The following VPS13D variants were observed in gnomAD, a reference collection of about 807,000 sequenced individuals.
VPS13D encodes the protein intermembrane lipid transfer protein VPS13D.
VPS13D carries 187 observed loss-of-function variants against 461.9 expected under a neutral mutation model. The observed-to-expected ratio is 0.40, with a 90% CI of 0.36 to 0.46. The LOEUF (loss-of-function observed/expected upper bound fraction) is 0.46, where lower values mean the gene tolerates loss of function less well. Among genes scored for constraint, VPS13D ranks in the 20% least tolerant of loss-of-function variants. The pLI, the probability that VPS13D is intolerant of heterozygous loss-of-function variation, is 0.60. For missense variants in VPS13D, 4,711 were observed against 5,364.9 expected, an observed-to-expected ratio of 0.88 and a Z score of 3.81; for synonymous variants, 1,951 against 1,986.3, an observed-to-expected ratio of 0.98 and a Z score of 0.47.
At chr1:12,360,922 C>G (rs964822081) in intron 50 of VPS13D, among the ~76,000 whole-genome samples, 1 of 152,170 alleles carries the variant, frequency 6.6e-6, no homozygotes, top group Admixed American at 6.6e-5. Context: ...TAATGGTTCT[C>G]TTGATACTTG....
chr1:12,490,329 G>A (rs1053546868), intron 67 of VPS13D, among the ~76,000 whole-genome samples: 6 of 152,116 alleles, frequency 3.9e-5, no homozygotes, highest in Non-Finnish European at 5.9e-5. Flanking sequence ...CCCAACCTAC[G>A]GATTGAATAC....
chr1:12,326,980 C>A (rs1007738551), intron 35 of VPS13D, among the ~76,000 whole-genome samples: 6 of 152,102 alleles, frequency 3.9e-5, no homozygotes, highest in Non-Finnish European at 8.8e-5. Flanking sequence ...AACTTAATTC[C>A]ATCAGTAATT....
In VPS13D at chr1:12,386,312, A is replaced by G; in HGVS notation, c.11612A>G (p.Glu3871Gly). 6.2e-7 allele frequency: 1 copy of G among 1,611,156 alleles called. No individual in the cohort carries two copies. The change falls in exon 60 of 70, where the codon GAA (glutamate) becomes GGA (glycine). Residue 3871 changes from glutamate to glycine, a missense_variant. Transcript: ENST00000620676. ...CAGCTGGCAACCAGTCACATGCTTG[A>G]ACTCAGCATACAGGATGTACAGGTA... ...YTQLATSHML[E>G]LSIQDVQVDN...
intron 65 of VPS13D, among the ~76,000 whole-genome samples, chr1:12,435,955 G>C (rs1198513579): frequency 6.6e-6 from 1 of 152,140 alleles, no homozygotes; most frequent in African/African-American, 2.4e-5. Flanking sequence ...TTTTGACTTT[G>C]CTCTAACTCT....
intron 31 of VPS13D, 76 bp from the exon 32 acceptor site, chr1:12,319,421 C>T (rs1041218352): frequency 4.5e-5 from 72 of 1,586,976 alleles, no homozygotes; most frequent in Admixed American, 2.1e-4. Context: ...GAAATGCGCT[C>T]GCTGCCTTGT....
rs1644090498 is a variant in VPS13D at position 12,369,710 on chromosome 1, T to A, written c.10808+8T>A. On this transcript the variant is annotated splice_region_variant and intron_variant, in intron 54 of 69. Transcript: ENST00000620676. ...TACATATACATTCTCTGGGTAATTC[T>A]TGATTAAATTACTGTTCCTATAAAG... The A allele has an allele frequency of 1.2e-6, 2 of 1,609,838 alleles. No homozygotes were observed. Among genetic ancestry groups the A allele is most frequent in the Admixed American group, 1.7e-5 (1 of 59,876 alleles).
At chr1:12,370,228 T>A (rs1053847647) in intron 54 of VPS13D, among the ~76,000 whole-genome samples, 1 of 152,214 alleles carries the variant, frequency 6.6e-6, no homozygotes, top group African/African-American at 2.4e-5. Context: ...ATGAAGAATA[T>A]TGAGCTTATT....
rs151165307 is a variant in VPS13D, at chr1:12,333,236, A to G, written c.8298A>G (p.Pro2766=). 18 of 1,613,708 alleles carry G rather than the reference A, an allele frequency of 1.1e-5. No individual in the cohort carries two copies. In the African/African-American group the frequency reaches 2.3e-4, roughly 20 times the overall value. Residue 2766 remains proline, a synonymous_variant, in exon 38 of 70, where the codon CCA becomes CCG. Coordinates refer to ENST00000620676, the MANE Select transcript of VPS13D (RefSeq NM_015378.4). The part of the protein sequence containing the change: ...YYNRALSGWE[P]FIEPWPCSVS... ...CCTGTGTTCTTTTAGGCTGGGAGCCATTTATTGAGCCTTGGCCATGCTCTG... is the reference window on the plus strand; with the variant it reads ...CCTGTGTTCTTTTAGGCTGGGAGCCGTTTATTGAGCCTTGGCCATGCTCTG...
chr1:12,442,599 T>C (rs2100347022), intron 65 of VPS13D, among the ~76,000 whole-genome samples: 1 of 151,934 alleles, frequency 6.6e-6, no homozygotes, highest in South Asian at 2.1e-4. Context: ...TTTTTTTTTT[T>C]TTTCCTTTTC....
intron 18 of VPS13D, among the ~76,000 whole-genome samples, chr1:12,273,804 A>G (rs1387358706): frequency 6.6e-6 from 1 of 151,994 alleles, no homozygotes; most frequent in Non-Finnish European, 1.5e-5. Context: ...TCATTTGTTC[A>G]TGGCCATTTG....
At chr1:12,230,672 C>T (rs1639935444) in intron 1 of VPS13D, among the ~76,000 whole-genome samples, 1 of 152,084 alleles carries the variant, frequency 6.6e-6, no homozygotes, top group Non-Finnish European at 1.5e-5. Flanking sequence ...AGACATCAGG[C>T]CTAAAACCTC....
Position 12,293,513 on chromosome 1 carries a change from C to A in VPS13D, c.5853-11C>A, listed in dbSNP as rs1384248321. ...CTGTTATCTGAGTCACACTTTTATCCTAATTTTTAGATACGGACGGCCTGA... is the reference window on the plus strand; with the variant it reads ...CTGTTATCTGAGTCACACTTTTATCATAATTTTTAGATACGGACGGCCTGA... On this transcript the variant is annotated splice_polypyrimidine_tract_variant and intron_variant, in intron 23 of 69. Transcript: ENST00000620676. 1.9e-6 allele frequency: 3 copies of A among 1,583,770 alleles called. No homozygotes were observed. Among genetic ancestry groups the A allele is most frequent in the Non-Finnish European group, 2.6e-6 (3 of 1,162,512 alleles).
At position 12,352,429 on chromosome 1, in the gene VPS13D, G is replaced by A. The variant is rs139256903; in HGVS notation, c.9432-1545G>A. ...TAATAAAAAGAATAGACAAAAGAAC[G>A]GACAATTTACAGAAGAAAATACCCA... On this transcript the variant is annotated intron_variant, in intron 46 of 69. Coordinates refer to ENST00000620676, the MANE Select transcript of VPS13D (RefSeq NM_015378.4). 1.1e-3 allele frequency among the ~76,000 whole-genome samples: 164 copies of A among 152,202 alleles called. 1 individual carries two copies. The East Asian group carries it at 0.026, about 24-fold the overall frequency.
chr1:12,255,888 CAAA>C (rs35699803), intron 7 of VPS13D, among the ~76,000 whole-genome samples: 1 of 56,370 alleles, frequency 1.8e-5, no homozygotes. Flanking sequence ...AGACTCGTCT[CAAA>C]AAAAAAAAAA....
chr1:12,303,112 C>T (rs754744426), intron 25 of VPS13D, among the ~76,000 whole-genome samples: 2 of 152,102 alleles, frequency 1.3e-5, no homozygotes, highest in African/African-American at 2.4e-5. Context: ...TTGCATTTGC[C>T]TTTGAATACA....
chr1:12,484,786 G>T (rs1353146125), intron 67 of VPS13D, among the ~76,000 whole-genome samples: 1 of 152,088 alleles, frequency 6.6e-6, no homozygotes, highest in Non-Finnish European at 1.5e-5. Flanking sequence ...GTGTTTTTAC[G>T]GAGTGTCCTC....
intron 67 of VPS13D, among the ~76,000 whole-genome samples, chr1:12,491,339 TGACA>T (rs1271584321): frequency 6.6e-6 from 1 of 152,216 alleles, no homozygotes; most frequent in African/African-American, 2.4e-5. Flanking sequence ...ACATTGGCCA[TGACA>T]GACTTCTCAA....
intron 49 of VPS13D, 48 bp downstream of exon 49, chr1:12,356,572 G>A (rs762549247): frequency 2.5e-6 from 4 of 1,595,582 alleles, no homozygotes; most frequent in Non-Finnish European, 3.4e-6. Flanking sequence ...CCAGGGAAGG[G>A]AAGAAATTAG....
chr1:12,293,194 C>G (rs1642182349), intron 23 of VPS13D, among the ~76,000 whole-genome samples: 1 of 152,142 alleles, frequency 6.6e-6, no homozygotes, highest in Non-Finnish European at 1.5e-5. Flanking sequence ...TTGTTTTTCA[C>G]ACATCCTCAC....
Sources: allele counts gnomAD v4.1 joint callset (sites outside exome capture counted in the v4.1 genomes callset), GRCh38; gene constraint gnomAD v4.1.1; transcripts MANE v1.5; gene names NCBI Gene and HGNC (gene_info 2026-07-23, HGNC 2026-07-21).